The following RERE variants were observed in gnomAD, a reference collection of about 807,000 sequenced individuals.
The protein encoded by RERE is arginine-glutamic acid dipeptide repeats protein.
In RERE, 40 loss-of-function variants were observed where a neutral mutation model predicts 146.1. The observed-to-expected ratio is 0.27, with a 90% CI of 0.21 to 0.36. The LOEUF (loss-of-function observed/expected upper bound fraction) is 0.36, where lower values mean the gene tolerates loss of function less well. RERE is among the 10% of genes least tolerant of loss of function. RERE has a pLI of 1.00. For missense variants in RERE, 1,933 were observed against 2,138.7 expected (o/e 0.90, Z 1.90); for synonymous variants, 1,003 against 866.0 (o/e 1.16, Z -2.78).
rs1343205237 is a variant in RERE at position 8,817,508 on chromosome 1, G to A, written c.-493C>T. On this transcript the variant is annotated 5_prime_UTR_variant, in exon 1 of 23. Transcript: ENST00000400908. ...CAACTAGGAGAGAAAATGAGGCAGAGACAATGTGGGGAGCGAGAGAGGGGA... is the reference window on the plus strand; with the variant it reads ...CAACTAGGAGAGAAAATGAGGCAGAAACAATGTGGGGAGCGAGAGAGGGGA... The A allele has an allele frequency of 2.0e-5, 3 of 150,518 alleles. No individual in the cohort carries two copies. The highest frequency in any genetic ancestry group is 7.3e-5 in the African/African-American group (3 of 40,994). 9.3% of individuals were successfully genotyped at this position (150,518 alleles called of 1,614,324 possible).
In RERE at chr1:8,685,724, C is replaced by T. The variant is rs139609369; in HGVS notation, c.-144-29283G>A. ...AATAACCTAAGATTGCTCCAATTACCGCTGGTTTTTCAGGTGGTACAATGT... is the reference window on the plus strand; with the variant it reads ...AATAACCTAAGATTGCTCCAATTACTGCTGGTTTTTCAGGTGGTACAATGT... On this transcript the variant is annotated intron_variant, in intron 1 of 22. Transcript: ENST00000400908. Among the ~76,000 whole-genome samples, 330 of 152,268 alleles carry T rather than the reference C, an allele frequency of 2.2e-3. 5 individuals are homozygous for T. In the East Asian group the frequency reaches 0.041, roughly 19 times the overall value.
intron 3 of RERE, among the ~76,000 whole-genome samples, chr1:8,623,298 A>C (rs1327951683): frequency 6.6e-6 from 1 of 152,082 alleles, no homozygotes; most frequent in Non-Finnish European, 1.5e-5. Flanking sequence ...AAATACAAAA[A>C]AAATCAGCCG....
At chr1:8,499,605 C>T (rs1645102003) in intron 8 of RERE, among the ~76,000 whole-genome samples, 1 of 152,230 alleles carries the variant, frequency 6.6e-6, no homozygotes, top group Non-Finnish European at 1.5e-5. Context: ...TTTGAGGCAA[C>T]TGCATAGCAA....
At chr1:8,698,339 A>T (rs1302947270) in intron 1 of RERE, among the ~76,000 whole-genome samples, 1 of 152,244 alleles carries the variant, frequency 6.6e-6, no homozygotes, top group African/African-American at 2.4e-5. Flanking sequence ...CACACAAGTC[A>T]CTACTGCTGA....
At chr1:8,440,757 A>G (rs1394189124) in intron 11 of RERE, among the ~76,000 whole-genome samples, 2 of 150,342 alleles carry the variant, frequency 1.3e-5, no homozygotes, top group Admixed American at 6.6e-5. Context: ...TTAGCTGGGC[A>G]TGGTGGTACA....
intron 12 of RERE, among the ~76,000 whole-genome samples, chr1:8,385,472 G>C (rs1008753962): frequency 6.6e-6 from 1 of 152,072 alleles, no homozygotes; most frequent in Non-Finnish European, 1.5e-5. Flanking sequence ...ATGGTAGCAG[G>C]GGCAGGCTAC....
At chr1:8,546,946 C>T (rs919179058) in intron 6 of RERE, among the ~76,000 whole-genome samples, 1 of 151,256 alleles carries the variant, frequency 6.6e-6, no homozygotes, top group African/African-American at 2.4e-5. Context: ...TTTTTAAACA[C>T]TCCTGAAAGA....
At chr1:8,706,113 CAAAAAAAAAAAAAAAA>C (rs61016240) in intron 1 of RERE, among the ~76,000 whole-genome samples, 2 of 69,190 alleles carry the variant, frequency 2.9e-5, no homozygotes, top group East Asian at 4.3e-4. Flanking sequence ...ACTCCGTCTC[CAAAAAAAAAAAAAAAA>C]AAAAAAAAAG....
chr1:8,785,525 T>C (rs1641244159), intron 1 of RERE, among the ~76,000 whole-genome samples: 1 of 152,256 alleles, frequency 6.6e-6, no homozygotes, highest in Non-Finnish European at 1.5e-5. Context: ...TTACCTTTCC[T>C]GGTTCCATTC....
chr1:8,736,789 A>G (rs1169505114), intron 1 of RERE, among the ~76,000 whole-genome samples: 6 of 148,892 alleles, frequency 4.0e-5, no homozygotes, highest in Non-Finnish European at 5.9e-5. Flanking sequence ...TTAGGCAAAC[A>G]CTTGGTCTTC....
chr1:8,359,802 GCTCCCGCTCCTT>G lies in RERE; in HGVS notation c.3568_3579del (p.Lys1190_Glu1193del). 1.2e-6 allele frequency: 2 copies of G among 1,604,170 alleles called. No individual in the cohort carries two copies. Among genetic ancestry groups the G allele is most frequent in the South Asian group, 2.2e-5 (2 of 90,958 alleles). On this transcript the variant is annotated inframe_deletion, in exon 19 of 23. Coordinates refer to ENST00000400908, the MANE Select transcript of RERE (RefSeq NM_001042681.2). ...GCCTCGCGCTCCCGCTCTCGCTCCC[GCTCCCGCTCCTT>G]CTCCTTCTCCTTCTCCCGCTCTCGC... is the stretch of plus-strand genomic sequence containing the variant.
intron 1 of RERE, among the ~76,000 whole-genome samples, chr1:8,788,687 G>A (rs1641304935): frequency 6.9e-6 from 1 of 144,914 alleles, no homozygotes; most frequent in African/African-American, 2.6e-5. Flanking sequence ...TTTTTAAGAA[G>A]CTGTAATGAT....
At chr1:8,502,654 G>C (rs947883756) in intron 8 of RERE, among the ~76,000 whole-genome samples, 2 of 150,108 alleles carry the variant, frequency 1.3e-5, no homozygotes, top group Non-Finnish European at 3.0e-5. Context: ...AAGGCGGGAA[G>C]GGTGGGGAAA....
intron 4 of RERE, among the ~76,000 whole-genome samples, chr1:8,589,832 A>G (rs1646470411): frequency 6.6e-6 from 1 of 152,224 alleles, no homozygotes; most frequent in South Asian, 2.1e-4. Context: ...CAAATGTGGC[A>G]AAACTCACAG....
intron 1 of RERE, among the ~76,000 whole-genome samples, chr1:8,813,237 G>A (rs530495722): frequency 1.2e-4 from 19 of 152,258 alleles, no homozygotes; most frequent in African/African-American, 2.4e-4. Context: ...TGTGTGTAAC[G>A]AAGTTCACAG....
intron 11 of RERE, among the ~76,000 whole-genome samples, chr1:8,436,866 G>T (rs565595845): frequency 6.6e-6 from 1 of 151,994 alleles, no homozygotes; most frequent in African/African-American, 2.4e-5. Context: ...ATCTACACTT[G>T]GGCCAGCACA....
At chr1:8,653,094 G>A (rs531841378) in intron 2 of RERE, among the ~76,000 whole-genome samples, 16 of 152,274 alleles carry the variant, frequency 1.1e-4, no homozygotes, top group African/African-American at 2.4e-4. Context: ...AAAAATAGCC[G>A]GTGTTTTTCA....
At chr1:8,498,112 G>C (rs112421758) in intron 8 of RERE, among the ~76,000 whole-genome samples, 1 of 152,220 alleles carries the variant, frequency 6.6e-6, no homozygotes. Flanking sequence ...TGTAATCCCA[G>C]CACTTTGGGA....
chr1:8,358,425 G>C lies in RERE; in HGVS notation c.4110C>G (p.Gly1370=), dbSNP rs750658471. The part of the protein sequence containing the change: ...GPHPFASFHP[G]LNPLERERLA... ...GTCTCTCCCTCTCCAAGGGGTTCAG[G>C]CCCGGGTGGAAAGAAGCAAAAGGGT... The change falls in exon 20 of 23, where the codon GGC becomes GGG. Residue 1370 remains glycine, a synonymous_variant. Coordinates refer to ENST00000400908, the MANE Select transcript of RERE (RefSeq NM_001042681.2). 1.0e-5 allele frequency: 16 copies of C among 1,595,398 alleles called. No homozygotes were observed. In the Admixed American group the frequency reaches 2.7e-4, roughly 27 times the overall value.
Sources: gnomAD v4.1 joint callset for allele counts (sites outside exome capture counted in the v4.1 genomes callset) on GRCh38, gnomAD v4.1.1 for gene constraint, MANE v1.5 for transcripts, NCBI Gene and HGNC (gene_info 2026-07-23, HGNC 2026-07-21) for gene names.